The following TAS1R2 variants were observed in gnomAD, a reference collection of about 807,000 sequenced individuals.
TAS1R2 encodes taste 1 receptor member 2.
In TAS1R2, 47 loss-of-function variants were observed where a neutral mutation model predicts 49.3. The observed-to-expected ratio is 0.95, with a 90% confidence interval of 0.75 to 1.22. The LOEUF (loss-of-function observed/expected upper bound fraction) is 1.22, where lower values mean the gene tolerates loss of function less well. Ranked by LOEUF, TAS1R2 falls within the 50% of genes most tolerant of loss-of-function variation. TAS1R2 has a pLI of 0.00. For synonymous variants in TAS1R2, 479 were observed against 467.9 expected, an observed-to-expected ratio of 1.02 and a Z score of -0.31; for missense variants, 1,155 against 1,122.1, an observed-to-expected ratio of 1.03 and a Z score of -0.42.
Position 18,854,650 on chromosome 1 carries a change from C to T in TAS1R2, c.820G>A (p.Val274Met), listed in dbSNP as rs781164170. 1.8e-5 allele frequency: 29 copies of T among 1,613,898 alleles called. 1 individual carries two copies. Among genetic ancestry groups the T allele is most frequent in the Middle Eastern group, 3.3e-4 (2 of 6,084 alleles). ...TACAGGGTCAGGTCGGGCGAGAACACGACCACGACGCGCGCTGTGCTCTGC... is the reference window on the plus strand; with the variant it reads ...TACAGGGTCAGGTCGGGCGAGAACATGACCACGACGCGCGCTGTGCTCTGC... Residue 274 changes from valine (V) to methionine (M), a missense_variant, in exon 3 of 6, where the codon GTG becomes ATG. Transcript: ENST00000375371. The surrounding 1 kb of genome is among the most constrained non-coding windows in gnomAD (Gnocchi z 4.9).
intron 3 of TAS1R2, among the ~76,000 whole-genome samples, chr1:18,850,430 C>G (rs894801816): frequency 2.6e-5 from 4 of 152,250 alleles, no homozygotes; most frequent in Non-Finnish European, 5.9e-5. Flanking sequence ...CTGGCCTTCT[C>G]CCTTCCCTGC....
At position 18,852,731 on chromosome 1, in the gene TAS1R2, C is replaced by A. The variant is rs568293609; in HGVS notation, c.1257+1482G>T. 5.9e-5 allele frequency among the ~76,000 whole-genome samples: 9 copies of A among 152,334 alleles called. No individual in the cohort carries two copies. In the South Asian group the frequency reaches 1.9e-3, roughly 32 times the overall value. ...AAGCCCAGTCACGTGGCCAGGCCAC[C>A]ACTCTCCCACTCTCCTCCTGGAAGG... On this transcript the variant is annotated intron_variant, in intron 3 of 5. Transcript: ENST00000375371.
chr1:18,841,752 C>A, exon 5 of TAS1R2: 2 of 1,613,790 alleles, frequency 1.2e-6, no homozygotes, highest in Non-Finnish European at 1.7e-6. Flanking sequence ...GAGGAAGGTG[C>A]CGGGAAGGCA....
intron 2 of TAS1R2, among the ~76,000 whole-genome samples, chr1:18,855,701 G>T (rs1934127308): frequency 6.6e-6 from 1 of 152,150 alleles, no homozygotes; most frequent in African/African-American, 2.4e-5. Flanking sequence ...CTGCCTGCCT[G>T]ACATCTCAAA....
chr1:18,850,431 C>A (rs1031326124), intron 3 of TAS1R2, among the ~76,000 whole-genome samples: 6 of 152,262 alleles, frequency 3.9e-5, no homozygotes, highest in Non-Finnish European at 8.8e-5. Context: ...TGGCCTTCTC[C>A]CTTCCCTGCC....
chr1:18,840,210 A>T (rs1030587359), exon 6 of TAS1R2: 3 of 1,614,208 alleles, frequency 1.9e-6, no homozygotes, highest in Non-Finnish European at 2.5e-6. Context: ...CAGAGGGGAA[A>T]GAGGGCCTGG....
intron 4 of TAS1R2, among the ~76,000 whole-genome samples, chr1:18,844,776 AG>A (rs1933886992): frequency 6.6e-6 from 1 of 151,964 alleles, no homozygotes; most frequent in South Asian, 2.1e-4. Flanking sequence ...AAGAAGAAGA[AG>A]AAGAAGGTTG....
chr1:18,858,072 A>G (rs1934172930), intron 1 of TAS1R2, among the ~76,000 whole-genome samples: 1 of 151,910 alleles, frequency 6.6e-6, no homozygotes, highest in South Asian at 2.1e-4. Flanking sequence ...CATCACTATC[A>G]GCACGACCAT....
chr1:18,856,206 G>T (rs1254336678), intron 2 of TAS1R2, among the ~76,000 whole-genome samples: 1 of 152,034 alleles, frequency 6.6e-6, no homozygotes, highest in African/African-American at 2.4e-5. Flanking sequence ...TTCCAGTTCT[G>T]CTCATCTAGT....
Position 18,854,916 on chromosome 1 carries a change from G to C in TAS1R2, c.554C>G (p.Pro185Arg), listed in dbSNP as rs1443387837. The change falls in exon 3 of 6, where the codon CCC (proline) becomes CGC (arginine). Residue 185 changes from proline (P) to arginine (R), a missense_variant. Physicochemically the swap from Pro to Arg is moderately radical, Grantham distance 103. Coordinates refer to ENST00000375371, the Ensembl canonical transcript of TAS1R2. This position sits in a 1 kb window ranked among gnomAD's most constrained non-coding sequence, Gnocchi z 4.9. The stretch of plus-strand genomic sequence containing the variant: ...GGCCTCGATGTGGTGGTCGGCGCTG[G>C]GTGTGGTACGCAGCAAAGCCGGGAA... 5.0e-6 allele frequency: 8 copies of C among 1,612,560 alleles called. No homozygotes were observed. The highest frequency in any genetic ancestry group is 5.9e-6 in the Non-Finnish European group (7 of 1,178,978).
At chr1:18,841,678 G>T in intron 5 of TAS1R2, 51 bp downstream of exon 5, 1 of 1,582,836 alleles carries the variant, frequency 6.3e-7, no homozygotes, top group Non-Finnish European at 8.6e-7. Context: ...CCAGGGGCAG[G>T]GCAGGGGCAG....
rs1334938967 is a variant in TAS1R2 at position 18,854,977 on chromosome 1, T to C, written c.493A>G (p.Ser165Gly). ...TCTCGCAGCTCATCGCTGATGGCGC[T>C]GTAGGTGATCTGCAAGGGGAAGGGC... The change falls in exon 3 of 6, where the codon AGC (serine) becomes GGC (glycine). Residue 165 changes from serine to glycine, a missense_variant. By Grantham distance (56) the Ser-to-Gly change is moderately conservative (BLOSUM62 0). Transcript: ENST00000375371. The surrounding 1 kb of genome is among the most constrained non-coding windows in gnomAD (Gnocchi z 4.9). 1 of 1,603,528 alleles carries C rather than the reference T, an allele frequency of 6.2e-7. No individual in the cohort carries two copies.
At chr1:18,841,409 C>T (rs1355314228) in intron 5 of TAS1R2, among the ~76,000 whole-genome samples, 1 of 152,190 alleles carries the variant, frequency 6.6e-6, no homozygotes, top group Admixed American at 6.5e-5. Flanking sequence ...TTCATTCATC[C>T]AGTGGGTGTT....
chr1:18,851,815 C>T (rs1934032104), intron 3 of TAS1R2, among the ~76,000 whole-genome samples: 2 of 152,296 alleles, frequency 1.3e-5, no homozygotes, highest in East Asian at 1.9e-4. Context: ...TGCCCATCCC[C>T]ACTACCCCAG....
chr1:18,854,149 GCCCAGAAC>G lies in TAS1R2; in HGVS notation c.1257+56_1257+63del. 6.6e-7 allele frequency: 1 copy of G among 1,507,722 alleles called. No individual in the cohort carries two copies. Among genetic ancestry groups the G allele is most frequent in the Non-Finnish European group, 9.0e-7 (1 of 1,107,554 alleles). The allele number at this position is 1,507,722 out of a possible 1,614,324, so 93.4% of individuals were successfully genotyped here. A position where few individuals can be genotyped will look rare whatever the true frequency, so the allele number is the denominator to read the frequency against. ...TACTCATGCCCTTTCACACCCATTT[GCCCAGAAC>G]CCCAGGGGAGGAGGATGGAGGTGCC... On this transcript the variant is annotated intron_variant, in intron 3 of 5. Coordinates refer to ENST00000375371, the Ensembl canonical transcript of TAS1R2. This position sits in a 1 kb window ranked among gnomAD's most constrained non-coding sequence, Gnocchi z 4.9.
chr1:18,850,548 C>G (rs933961127), intron 3 of TAS1R2, among the ~76,000 whole-genome samples: 1 of 152,260 alleles, frequency 6.6e-6, no homozygotes, highest in African/African-American at 2.4e-5. Flanking sequence ...ACCAGGTGGT[C>G]GGCCTGAGGA....
At chr1:18,855,702 A>G (rs980014300) in intron 2 of TAS1R2, among the ~76,000 whole-genome samples, 3 of 152,056 alleles carry the variant, frequency 2.0e-5, no homozygotes, top group African/African-American at 7.2e-5. Context: ...TGCCTGCCTG[A>G]CATCTCAAAC....
intron 4 of TAS1R2, among the ~76,000 whole-genome samples, chr1:18,843,432 A>G (rs1040474382): frequency 6.6e-6 from 1 of 152,186 alleles, no homozygotes; most frequent in African/African-American, 2.4e-5. Flanking sequence ...TCCACCCTAC[A>G]CCTGCTACCA....
intron 4 of TAS1R2, among the ~76,000 whole-genome samples, chr1:18,845,285 A>G (rs112405256): frequency 0.044 from 6,652 of 152,256 alleles, 399 homozygotes; most frequent in African/African-American, 0.13. Context: ...TGATGAGATG[A>G]CATACTAAAA....
Sources: gnomAD v4.1 joint callset for allele counts (sites outside exome capture counted in the v4.1 genomes callset) on GRCh38, gnomAD v4.1.1 for gene constraint, Gnocchi (gnomAD v3.1) non-coding constraint, MANE v1.5 for transcripts, NCBI Gene and HGNC (gene_info 2026-07-23, HGNC 2026-07-21) for gene names.